The following RPL38 variants were observed in gnomAD, a reference collection of about 807,000 sequenced individuals.
RPL38 encodes the protein large ribosomal subunit protein eL38.
Under a neutral mutation model 12.8 loss-of-function variants are expected in RPL38, and 2 were observed. The ratio of observed to expected loss-of-function variants is 0.16; its 90% CI spans 0.06 to 0.49. The LOEUF (loss-of-function observed/expected upper bound fraction) is 0.49. Among genes scored for constraint, RPL38 ranks in the 20% least tolerant of loss-of-function variants. RPL38 has a pLI of 0.96. For synonymous variants in RPL38, 42 were observed against 30.1 expected (o/e 1.39, Z -1.29); for missense variants, 52 against 79.8 (o/e 0.65, Z 1.33).
intron 4 of RPL38, 87 bp downstream of exon 4, chr17:74,209,396 C>A: frequency 6.7e-7 from 1 of 1,501,916 alleles, no homozygotes; most frequent in Non-Finnish European, 9.1e-7. Flanking sequence ...TTGAATCCCT[C>A]TCAGATTTCA....
intron 4 of RPL38, 37 bp from the exon 5 acceptor site, chr17:74,209,767 T>A (rs570140035): frequency 6.2e-7 from 1 of 1,602,440 alleles, no homozygotes; most frequent in Admixed American, 1.7e-5. Context: ...CTCAGATGTG[T>A]CTTCTGGATG....
intron 3 of RPL38, among the ~76,000 whole-genome samples, chr17:74,207,092 T>G (rs2050122086): frequency 6.6e-6 from 1 of 151,718 alleles, no homozygotes; most frequent in South Asian, 2.1e-4. Context: ...GCTCACTACA[T>G]CCTTGATCTC....
At chr17:74,203,881 C>A (rs1598203886) in intron 1 of RPL38, 37 bp from the exon 2 acceptor site, 2 of 1,525,488 alleles carry the variant, frequency 1.3e-6, no homozygotes, top group Admixed American at 2.1e-5. Flanking sequence ...GCTGCCAGCC[C>A]CCGCGCCGTG....
intron 3 of RPL38, 43 bp from the exon 4 acceptor site, chr17:74,209,144 T>G (rs941903027): frequency 6.2e-7 from 1 of 1,607,752 alleles, no homozygotes; most frequent in African/African-American, 1.3e-5. Context: ...GTCACATCTG[T>G]TTTCTGTGAT....
intron 4 of RPL38, 29 bp from the exon 5 acceptor site, chr17:74,209,775 A>G (rs1178194815): frequency 1.2e-6 from 2 of 1,608,882 alleles, no homozygotes; most frequent in African/African-American, 2.7e-5. Context: ...TGTCTTCTGG[A>G]TGGCTTACTT....
At position 74,203,939 on chromosome 17, in the gene RPL38, C is replaced by T. The variant is rs745882254; in HGVS notation, c.-17C>T. 7 of 1,605,318 alleles carry T rather than the reference C, an allele frequency of 4.4e-6. No homozygotes were observed. In the Admixed American group the frequency reaches 6.7e-5, roughly 15 times the overall value. ...GCAGGTCCTGGTCCGCGCCAGAGCC[C>T]AGCGCGCCTCGTCGCCATGGTGAGT... On this transcript the variant is annotated 5_prime_UTR_variant, in exon 2 of 5. Transcript: ENST00000311111.
At chr17:74,207,854 C>G (rs905391498) in intron 3 of RPL38, among the ~76,000 whole-genome samples, 3 of 152,152 alleles carry the variant, frequency 2.0e-5, no homozygotes, top group African/African-American at 7.2e-5. Flanking sequence ...TGGTGTTCAG[C>G]TTAGTTCAGC....
rs185733432 is a variant in RPL38, at chr17:74,203,708, G to A, written c.-76G>A. On this transcript the variant is annotated 5_prime_UTR_variant, in exon 1 of 5. Coordinates refer to ENST00000311111, the MANE Select transcript of RPL38 (RefSeq NM_000999.4). ...TCGTCCTTTTCCCCGGTTGCTGCTT[G>A]CTGTGAGTGTCTCTAGGGTGATACG... 2 of 515,470 alleles carry A rather than the reference G, an allele frequency of 3.9e-6. No individual in the cohort carries two copies. The highest frequency in any genetic ancestry group is 6.9e-6 in the Non-Finnish European group (2 of 291,188). The allele number at this position is 515,470 out of a possible 1,614,324, so 31.9% of individuals were successfully genotyped here. A position where few individuals can be genotyped will look rare whatever the true frequency, so the allele number is the denominator to read the frequency against.
chr17:74,204,509 T>G (rs2050093341), intron 3 of RPL38: 1 of 392,282 alleles, frequency 2.5e-6, no homozygotes, highest in Non-Finnish European at 4.7e-6. Context: ...ACACGTCCCA[T>G]AAACACTGTT....
intron 3 of RPL38, among the ~76,000 whole-genome samples, chr17:74,208,251 G>T (rs1000956638): frequency 2.6e-5 from 4 of 152,158 alleles, no homozygotes; most frequent in Non-Finnish European, 5.9e-5. Context: ...TGAATACATG[G>T]AGTGGTAACT....
At chr17:74,205,838 G>A (rs1252442830) in intron 3 of RPL38, 1 of 152,064 alleles carries the variant, frequency 6.6e-6, no homozygotes, top group Non-Finnish European at 1.5e-5. Flanking sequence ...TGGGCGACAT[G>A]GCAAAACCCC....
In RPL38 at chr17:74,206,665, A is replaced by T. The variant is rs1223261798; in HGVS notation, c.64+2475A>T. Among the ~76,000 whole-genome samples the T allele has an allele frequency of 3.4e-5, 5 of 146,870 alleles. No individual in the cohort carries two copies. In the East Asian group the frequency reaches 8.0e-4, roughly 23 times the overall value. On this transcript the variant is annotated intron_variant, in intron 3 of 4. Coordinates refer to ENST00000311111, the MANE Select transcript of RPL38 (RefSeq NM_000999.4). ...CCTTTTGTGACTGGCTTCTCTTCAC[A>T]TGTCCTCAAGCATGTGTCAGAATTG... is the stretch of plus-strand genomic sequence containing the variant.
In RPL38 at chr17:74,209,995, T is replaced by TC. The variant is rs1555595130; in HGVS notation, c.*166_*167insC. ...TCCTGTGTCTTTTTTTTTTTTTTTT[T>TC]TTCTTTCTTTGAGACGGAGTCTTGC... is the stretch of plus-strand genomic sequence containing the variant. On this transcript the variant is annotated 3_prime_UTR_variant, in exon 5 of 5. Transcript: ENST00000311111. 7.0e-6 allele frequency: 4 copies of TC among 571,908 alleles called. No individual in the cohort carries two copies. Among genetic ancestry groups the TC allele is most frequent in the Non-Finnish European group, 1.2e-5 (4 of 328,094 alleles). 35.4% of individuals were successfully genotyped at this position (571,908 alleles called of 1,614,324 possible).
rs1178196612 is a variant in RPL38, at chr17:74,209,319, C to T, written c.187+10C>T. 4 of 1,613,556 alleles carry T rather than the reference C, an allele frequency of 2.5e-6. No individual in the cohort carries two copies. The highest frequency in any genetic ancestry group is 2.5e-6 in the Non-Finnish European group (3 of 1,179,792). On this transcript the variant is annotated intron_variant, in intron 4 of 4. Coordinates refer to ENST00000311111, the MANE Select transcript of RPL38 (RefSeq NM_000999.4). ...CAGTCCCTGCCCCCCGGTGAGTGAG[C>T]CTGAAGTCACTTCAGGGGCGGGTGG...
At chr17:74,205,988 C>T (rs2050109982) in intron 3 of RPL38, 2 of 152,096 alleles carry the variant, frequency 1.3e-5, no homozygotes, top group South Asian at 4.1e-4. Flanking sequence ...TCACTGCACT[C>T]CAGCCTGGGT....
rs2050142385 is a variant in RPL38 at position 74,209,208 on chromosome 17, A to C, written c.86A>C (p.Lys29Thr). The C allele has an allele frequency of 1.2e-6, 2 of 1,613,810 alleles. No homozygotes were observed. The highest frequency in any genetic ancestry group is 1.7e-6 in the Non-Finnish European group (2 of 1,179,918). ...GTAGCTGTCAAGATCAAGAAAAATA[A>C]GGACAACGTGAAGTTTAAAGTTCGA... ...DAKSVKIKKN[K>T]DNVKFKVRCS... Residue 29 changes from lysine (K) to threonine (T), a missense_variant, in exon 4 of 5, where the codon AAG (lysine) becomes ACG (threonine). By Grantham distance (78) the Lys-to-Thr change is moderately conservative (BLOSUM62 -1). Transcript: ENST00000311111.
At chr17:74,209,048 T>C (rs1282912011) in intron 3 of RPL38, 139 bp from the exon 4 acceptor site, 5 of 847,736 alleles carry the variant, frequency 5.9e-6, no homozygotes, top group East Asian at 2.5e-5. Context: ...AATAGTGTTT[T>C]CTGTTTGCAC....
At chr17:74,207,165 C>T (rs111582058) in intron 3 of RPL38, among the ~76,000 whole-genome samples, 3,377 of 152,194 alleles carry the variant, frequency 0.022, 126 homozygotes, top group African/African-American at 0.075. Context: ...GCATGCGCCA[C>T]CACACCTGGC....
chr17:74,209,302 GC>G lies in RPL38; in HGVS notation c.186del (p.Gly63ValfsTer4). 2 of 1,613,994 alleles carry G rather than the reference GC, an allele frequency of 1.2e-6. No homozygotes were observed. Among genetic ancestry groups the G allele is most frequent in the Non-Finnish European group, 1.7e-6 (2 of 1,179,988 alleles). ...AGGCAGAGAAACTGAAGCAGTCCCT[GC>G]CCCCCGGTGAGTGAGCCTGAAGTCA... is the stretch of plus-strand genomic sequence containing the variant. ...EKAEKLKQSL[P>X]PGLAVKELK On this transcript the variant is annotated frameshift_variant, in exon 4 of 5. Transcript: ENST00000311111. LOFTEE classifies it high-confidence loss of function.
Sources: gnomAD v4.1 joint callset for allele counts (sites outside exome capture counted in the v4.1 genomes callset) on GRCh38, gnomAD v4.1.1 for gene constraint, MANE v1.5 for transcripts, NCBI Gene and HGNC (gene_info 2026-07-23, HGNC 2026-07-21) for gene names.